SCIN: variants seen among roughly 807,000 people sequenced by gnomAD.
The protein encoded by SCIN is scinderin.
A neutral mutation model predicts 91.8 loss-of-function variants in SCIN; 91 were observed. The observed-to-expected ratio is 0.99, with a 90% CI of 0.84 to 1.18. The LOEUF is 1.18. SCIN is among the 50% of genes most tolerant of loss of function. The pLI is 0.00. For synonymous variants in SCIN, 367 were observed against 312.6 expected (o/e 1.17, Z -1.84); for missense variants, 1,087 against 863.9 (o/e 1.26, Z -3.24).
chr7:12,593,479 T>C (rs1308200345), intron 3 of SCIN, among the ~76,000 whole-genome samples: 2 of 152,094 alleles, frequency 1.3e-5, no homozygotes, highest in Admixed American at 6.5e-5. Context: ...AACCTGCACA[T>C]TGTGCACATG....
chr7:12,591,733 C>T (rs1782727437), intron 3 of SCIN, among the ~76,000 whole-genome samples: 1 of 152,038 alleles, frequency 6.6e-6, no homozygotes, highest in Non-Finnish European at 1.5e-5. Flanking sequence ...AGCCTGCTAG[C>T]CCTGGGAAGG....
chr7:12,586,631 C>A (rs1003136941), intron 3 of SCIN, among the ~76,000 whole-genome samples: 4 of 152,098 alleles, frequency 2.6e-5, no homozygotes, highest in Admixed American at 2.0e-4. Context: ...ACGCATGCCC[C>A]TATGTTTATT....
Position 12,578,156 on chromosome 7 carries a change from G to C in SCIN, c.292G>C (p.Glu98Gln). Residue 98 changes from glutamate to glutamine, a missense_variant, in exon 2 of 16, where the codon GAA becomes CAA. Coordinates refer to ENST00000297029, the MANE Select transcript of SCIN (RefSeq NM_001112706.3). The stretch of plus-strand genomic sequence containing the variant: ...GGGTGGCAAGCCAGTGCAGAATAGA[G>C]AACTTCAAGGATATGAGTCTAATGA... ...YLGGKPVQNR[E>Q]LQGYESNDFV... The C allele has an allele frequency of 1.3e-6, 2 of 1,551,240 alleles. No homozygotes were observed. Among genetic ancestry groups the C allele is most frequent in the Non-Finnish European group, 1.7e-6 (2 of 1,146,654 alleles).
chr7:12,633,902 G>A lies in SCIN; in HGVS notation c.1320-2143G>A, dbSNP rs533593623. On this transcript the variant is annotated intron_variant, in intron 9 of 15. Transcript: ENST00000297029. ...TAGGCTATTGACATTAAAACACTAC[G>A]TTTTTAGTAGTTCCTTTATTAGGGA... 4.6e-5 allele frequency among the ~76,000 whole-genome samples: 7 copies of A among 151,204 alleles called. No homozygotes were observed. The South Asian group carries it at 1.0e-3, about 23-fold the overall frequency.
intron 9 of SCIN, 34 bp from the exon 10 acceptor site, chr7:12,636,011 G>A (rs1783743385): frequency 1.3e-6 from 2 of 1,535,352 alleles, no homozygotes; most frequent in Non-Finnish European, 9.0e-7. Flanking sequence ...AAAACTTAAA[G>A]GCAAGCTAAT....
chr7:12,631,457 T>A (rs76896818), intron 9 of SCIN, among the ~76,000 whole-genome samples: 2,862 of 152,274 alleles, frequency 0.019, 91 homozygotes, highest in African/African-American at 0.065. Flanking sequence ...CTAGAACTCA[T>A]GTTGAAACTT....
At chr7:12,583,784 G>A (rs902552356) in intron 3 of SCIN, among the ~76,000 whole-genome samples, 1 of 152,078 alleles carries the variant, frequency 6.6e-6, no homozygotes, top group Non-Finnish European at 1.5e-5. Context: ...ACAAATCCAG[G>A]TTCACGTAAT....
chr7:12,639,144 A>G (rs1253756658), intron 10 of SCIN, among the ~76,000 whole-genome samples: 1 of 152,208 alleles, frequency 6.6e-6, no homozygotes, highest in Non-Finnish European at 1.5e-5. Context: ...ACATATTTTA[A>G]TCAGCCTTTT....
intron 5 of SCIN, 150 bp downstream of exon 5, chr7:12,623,043 T>C (rs1191250298): frequency 1.9e-6 from 1 of 523,370 alleles, no homozygotes; most frequent in African/African-American, 2.0e-5. Flanking sequence ...TCTTTGCTCT[T>C]GTATGTTTTT....
intron 3 of SCIN, among the ~76,000 whole-genome samples, chr7:12,597,076 A>G (rs1782858195): frequency 6.6e-6 from 1 of 152,210 alleles, no homozygotes; most frequent in South Asian, 2.1e-4. Context: ...ATATCTTTCA[A>G]TACATACGTA....
rs538892767 is a variant in SCIN, at chr7:12,571,032, G to C, written c.199+47G>C. 1.7e-4 allele frequency: 261 copies of C among 1,522,096 alleles called. 1 individual carries two copies. In the Middle Eastern group the frequency reaches 4.6e-3, roughly 27 times the overall value. The allele number at this position is 1,522,096 out of a possible 1,614,324, so 94.3% of individuals were successfully genotyped here. A position where few individuals can be genotyped will look rare whatever the true frequency, so the allele number is the denominator to read the frequency against. The stretch of plus-strand genomic sequence containing the variant: ...GACCCCGACGCACCAAGGCCGGCGA[G>C]GGGAGGGCGTAGGGGTCTGAGATTT... On this transcript the variant is annotated intron_variant, in intron 1 of 15. Coordinates refer to ENST00000297029, the MANE Select transcript of SCIN (RefSeq NM_001112706.3).
At chr7:12,633,108 A>T (rs925364880) in intron 9 of SCIN, among the ~76,000 whole-genome samples, 2 of 152,210 alleles carry the variant, frequency 1.3e-5, no homozygotes, top group Admixed American at 1.3e-4. Context: ...TTTCCAGTTT[A>T]TGTGATAATT....
Position 12,658,480 on chromosome 7 carries a change from T to A in SCIN, c.*5765T>A, listed in dbSNP as rs1784208578. ...ACGAACCTGAGCCTGGATTCTTCAGTAACACAATGCCTTCTGAGAAACAAT... is the reference window on the plus strand; with the variant it reads ...ACGAACCTGAGCCTGGATTCTTCAGAAACACAATGCCTTCTGAGAAACAAT... On this transcript the variant is annotated 3_prime_UTR_variant, in exon 16 of 16. Transcript: ENST00000297029. The A allele has an allele frequency of 6.6e-6, 1 of 152,228 alleles. No homozygotes were observed. The highest frequency in any genetic ancestry group is 2.4e-5 in the African/African-American group (1 of 41,458). The allele number at this position is 152,228 out of a possible 1,614,324, so 9.4% of individuals were successfully genotyped here. A position where few individuals can be genotyped will look rare whatever the true frequency, so the allele number is the denominator to read the frequency against.
chr7:12,585,631 C>G (rs1218303366), intron 3 of SCIN, among the ~76,000 whole-genome samples: 2 of 152,206 alleles, frequency 1.3e-5, no homozygotes, highest in Non-Finnish European at 2.9e-5. Context: ...GGAGCCACCA[C>G]TCACTCAGGA....
chr7:12,630,711 T>C (rs1448910362), intron 9 of SCIN, among the ~76,000 whole-genome samples: 1 of 152,230 alleles, frequency 6.6e-6, no homozygotes, highest in African/African-American at 2.4e-5. Context: ...TTTTATTTCT[T>C]TCCAAAAAGA....
At position 12,652,632 on chromosome 7, in the gene SCIN, A is replaced by G. The variant is rs537969858; in HGVS notation, c.2065A>G (p.Thr689Ala). 1 of 1,612,622 alleles carries G rather than the reference A, an allele frequency of 6.2e-7. No individual in the cohort carries two copies. Among genetic ancestry groups the G allele is most frequent in the African/African-American group, 1.3e-5 (1 of 74,906 alleles). ...ETDPSGRDKR[T>A]PIVIIKQGHE... The stretch of plus-strand genomic sequence containing the variant: ...AGACCCTTCTGGAAGAGACAAGAGG[A>G]CACCAATTGTCATCATAAAACAGGG... Residue 689 changes from threonine (T) to alanine (A), a missense_variant, in exon 16 of 16, where the codon ACA becomes GCA. Physicochemically the swap from Thr to Ala is moderately conservative, Grantham distance 58. Transcript: ENST00000297029.
In SCIN at chr7:12,656,916, T is replaced by C. The variant is rs1784173437; in HGVS notation, c.*4201T>C. The C allele has an allele frequency of 6.7e-6, 1 of 150,018 alleles. No individual in the cohort carries two copies. The highest frequency in any genetic ancestry group is 1.5e-5 in the Non-Finnish European group (1 of 67,596). 9.3% of individuals were successfully genotyped at this position (150,018 alleles called of 1,614,324 possible). Reference sequence around the variant, plus strand: ...GCCTGCGTGACGATGAGAGTCTCCGTCTCGGGGGAAGAAAAAAAAAACCTG... The same window carrying C: ...GCCTGCGTGACGATGAGAGTCTCCGCCTCGGGGGAAGAAAAAAAAAACCTG... On this transcript the variant is annotated 3_prime_UTR_variant, in exon 16 of 16. Coordinates refer to ENST00000297029, the MANE Select transcript of SCIN (RefSeq NM_001112706.3).
At chr7:12,577,855 CA>C (rs5882366) in intron 1 of SCIN, 177,104 of 399,094 alleles carry the variant, frequency 0.44, 18,172 homozygotes, top group Middle Eastern at 0.46. Flanking sequence ...CACCCTCTCT[CA>C]AAAAAAAAAA....
At chr7:12,649,640 CCT>C in intron 14 of SCIN, 96 bp downstream of exon 14, 1 of 732,988 alleles carries the variant, frequency 1.4e-6, no homozygotes, top group Non-Finnish European at 2.2e-6. Context: ...TATAAATGAG[CCT>C]AGAGATTTAG....
Sources: allele counts gnomAD v4.1 joint callset (sites outside exome capture counted in the v4.1 genomes callset), GRCh38; gene constraint gnomAD v4.1.1; transcripts MANE v1.5; gene names NCBI Gene and HGNC (gene_info 2026-07-23, HGNC 2026-07-21).